Variants in UBTD2 observed in about 807,000 individuals in gnomAD.
The protein encoded by UBTD2 is ubiquitin domain-containing protein 2.
A neutral mutation model predicts 19.8 loss-of-function variants in UBTD2; 9 were observed. The observed-to-expected ratio is 0.46, with a 90% CI of 0.27 to 0.79. UBTD2 has a LOEUF of 0.79. UBTD2 is among the 30% of genes least tolerant of loss of function. UBTD2 has a pLI of 0.14. For missense variants in UBTD2, 250 were observed against 300.4 expected, an observed-to-expected ratio of 0.83 and a Z score of 1.24; for synonymous variants, 98 against 103.9, an observed-to-expected ratio of 0.94 and a Z score of 0.35.
At chr5:172,235,231 C>T (rs374018934) in intron 1 of UBTD2, among the ~76,000 whole-genome samples, 10 of 152,138 alleles carry the variant, frequency 6.6e-5, no homozygotes, top group East Asian at 3.9e-4. Context: ...GGGAAGCAAA[C>T]GGCAATAGTA....
chr5:172,251,688 A>G (rs1755024134), intron 1 of UBTD2, among the ~76,000 whole-genome samples: 1 of 152,314 alleles, frequency 6.6e-6, no homozygotes, highest in East Asian at 1.9e-4. Context: ...TTCAGAATGA[A>G]GGAAAGATAA....
intron 1 of UBTD2, chr5:172,255,178 G>GAT (rs1180745839): frequency 4.4e-6 from 2 of 458,096 alleles, no homozygotes; most frequent in African/African-American, 4.0e-5. Flanking sequence ...CTGGTGTGAG[G>GAT]ATAGGAACTT....
At chr5:172,232,285 T>C (rs1470434598) in intron 2 of UBTD2, among the ~76,000 whole-genome samples, 1 of 101,936 alleles carries the variant, frequency 9.8e-6, no homozygotes, top group Admixed American at 9.4e-5. Flanking sequence ...AAAAATAAAA[T>C]AAGTTACCAA....
intron 2 of UBTD2, among the ~76,000 whole-genome samples, chr5:172,224,479 T>A (rs562826246): frequency 6.6e-6 from 1 of 152,034 alleles, no homozygotes; most frequent in Non-Finnish European, 1.5e-5. Context: ...TTAGTAGAGA[T>A]GGGATTTCCC....
intron 2 of UBTD2, among the ~76,000 whole-genome samples, chr5:172,213,850 A>G (rs2339364): frequency 0.33 from 50,626 of 151,838 alleles, 8,544 homozygotes; most frequent in South Asian, 0.42. Flanking sequence ...GCAATGGCGC[A>G]ATCTTGGCTC....
chr5:172,218,923 G>C (rs1363240741), intron 2 of UBTD2, among the ~76,000 whole-genome samples: 1 of 151,246 alleles, frequency 6.6e-6, no homozygotes, highest in Non-Finnish European at 1.5e-5. Flanking sequence ...AAGAAAAAAA[G>C]AGGACACAAA....
At chr5:172,216,920 T>G (rs528914786) in intron 2 of UBTD2, among the ~76,000 whole-genome samples, 1 of 151,808 alleles carries the variant, frequency 6.6e-6, no homozygotes, top group South Asian at 2.1e-4. Context: ...GAGCCGAGAT[T>G]GTGTCACTGT....
At chr5:172,258,389 T>C (rs1755202117) in intron 1 of UBTD2, among the ~76,000 whole-genome samples, 4 of 152,242 alleles carry the variant, frequency 2.6e-5, no homozygotes, top group Admixed American at 6.5e-5. Context: ...TTGGTTACTG[T>C]AGCCTTGAAG....
chr5:172,222,402 G>A (rs1771669690), intron 2 of UBTD2, among the ~76,000 whole-genome samples: 1 of 152,202 alleles, frequency 6.6e-6, no homozygotes, highest in Non-Finnish European at 1.5e-5. Context: ...TGATCATCTT[G>A]AAGTGAGTAG....
At chr5:172,243,486 C>T (rs35762115) in intron 1 of UBTD2, among the ~76,000 whole-genome samples, 17,494 of 151,572 alleles carry the variant, frequency 0.12, 1,185 homozygotes, top group East Asian at 0.28. Flanking sequence ...AAGATGGACG[C>T]CCTCACCAGA....
intron 1 of UBTD2, among the ~76,000 whole-genome samples, chr5:172,242,657 T>C (rs1772155320): frequency 6.6e-6 from 1 of 152,232 alleles, no homozygotes; most frequent in Non-Finnish European, 1.5e-5. Flanking sequence ...GGCTACTTGG[T>C]TAAGGCAACT....
intron 1 of UBTD2, among the ~76,000 whole-genome samples, chr5:172,238,802 A>G (rs1467026911): frequency 1.3e-5 from 2 of 152,228 alleles, no homozygotes; most frequent in East Asian, 1.9e-4. Context: ...TAATGATGGA[A>G]CGCTTCAAAT....
intron 1 of UBTD2, among the ~76,000 whole-genome samples, chr5:172,247,599 T>C (rs1754906342): frequency 6.6e-6 from 1 of 152,214 alleles, no homozygotes; most frequent in East Asian, 1.9e-4. Context: ...CAAACATTTT[T>C]ACTAAAGATA....
chr5:172,257,921 T>C (rs760235784), intron 1 of UBTD2, among the ~76,000 whole-genome samples: 51 of 152,294 alleles, frequency 3.3e-4, no homozygotes, highest in Non-Finnish European at 6.5e-4. Context: ...TTGTTGGACA[T>C]AGAGTTTACA....
At chr5:172,223,751 A>C (rs1771702143) in intron 2 of UBTD2, among the ~76,000 whole-genome samples, 1 of 152,138 alleles carries the variant, frequency 6.6e-6, no homozygotes, top group Non-Finnish European at 1.5e-5. Flanking sequence ...AAGTAGAAAA[A>C]AGTAACTTTT....
At chr5:172,240,957 C>A (rs190772495) in intron 1 of UBTD2, among the ~76,000 whole-genome samples, 233 of 152,104 alleles carry the variant, frequency 1.5e-3, no homozygotes, top group African/African-American at 4.8e-3. Flanking sequence ...AGAATATGAT[C>A]ACCTAACATG....
intron 1 of UBTD2, among the ~76,000 whole-genome samples, chr5:172,236,243 G>C (rs1006184936): frequency 2.0e-5 from 3 of 152,198 alleles, no homozygotes; most frequent in Admixed American, 2.0e-4. Context: ...ACTTGTCCTA[G>C]TGAAATGCAA....
chr5:172,253,313 A>G (rs982951422), intron 1 of UBTD2, among the ~76,000 whole-genome samples: 2 of 152,222 alleles, frequency 1.3e-5, no homozygotes, highest in Non-Finnish European at 2.9e-5. Flanking sequence ...CTTGCAAACT[A>G]TGCTCATAAA....
chr5:172,230,536 G>C (rs1355212860), intron 2 of UBTD2, among the ~76,000 whole-genome samples: 2 of 66,798 alleles, frequency 3.0e-5, no homozygotes, highest in Non-Finnish European at 4.9e-5. Flanking sequence ...CATCCCAAGA[G>C]GTAAGACAGT....
Sources: gnomAD v4.1 joint callset for allele counts (sites outside exome capture counted in the v4.1 genomes callset) on GRCh38, gnomAD v4.1.1 for gene constraint, MANE v1.5 for transcripts, NCBI Gene and HGNC (gene_info 2026-07-23, HGNC 2026-07-21) for gene names.